RBMS3: variants seen among roughly 807,000 people sequenced by gnomAD.
RBMS3 encodes the protein RNA binding motif single stranded interacting protein 3, also known as RNA-binding motif, single-stranded-interacting protein 3.
RBMS3 carries 27 observed loss-of-function variants against 66.8 expected under a neutral mutation model. That is an observed-to-expected ratio of 0.40 (90% CI 0.30 to 0.56). RBMS3 has a LOEUF of 0.56. Among genes scored for constraint, RBMS3 ranks in the 20% least tolerant of loss-of-function variants. RBMS3 has a pLI of 0.40. For synonymous variants in RBMS3, 188 were observed against 183.0 expected, an observed-to-expected ratio of 1.03 and a Z score of -0.22; for missense variants, 513 against 549.5, an observed-to-expected ratio of 0.93 and a Z score of 0.66.
chr3:29,745,931 AC>A (rs2054874641), intron 5 of RBMS3, among the ~76,000 whole-genome samples: 1 of 151,610 alleles, frequency 6.6e-6, no homozygotes, highest in Admixed American at 6.6e-5. Context: ...GCATACAAAT[AC>A]TAGCCTGCTT....
In RBMS3 at chr3:29,684,817, G is replaced by C. The variant is rs867725942; in HGVS notation, c.400-54903G>C. ...ACACACACACACACACACACACACA[G>C]ACACATACACTGAGCTAAAGAGGAT... On this transcript the variant is annotated intron_variant, in intron 4 of 14. Coordinates refer to ENST00000383767, the MANE Select transcript of RBMS3 (RefSeq NM_001003793.3). Among the ~76,000 whole-genome samples the C allele has an allele frequency of 1.9e-3, 257 of 135,782 alleles. 1 individual carries two copies. The highest frequency in any genetic ancestry group is 6.5e-3 in the African/African-American group (209 of 31,934). The allele number at this position is 135,782 out of a possible 152,430, so 89.1% of individuals were successfully genotyped here.
At chr3:29,800,381 A>G (rs951710507) in intron 6 of RBMS3, among the ~76,000 whole-genome samples, 1 of 152,208 alleles carries the variant, frequency 6.6e-6, no homozygotes, top group African/African-American at 2.4e-5. Flanking sequence ...CCTTTAAATA[A>G]ACTTGCTTTC....
chr3:29,816,084 T>C (rs1381835928), intron 6 of RBMS3, among the ~76,000 whole-genome samples: 1 of 152,096 alleles, frequency 6.6e-6, no homozygotes. Flanking sequence ...GTTTGGTGGA[T>C]GTATAGGGAG....
At chr3:29,860,815 T>G (rs1287988917) in intron 6 of RBMS3, among the ~76,000 whole-genome samples, 1 of 152,226 alleles carries the variant, frequency 6.6e-6, no homozygotes, top group Non-Finnish European at 1.5e-5. Context: ...CTTTTTAATG[T>G]ACAAGTCACC....
intron 7 of RBMS3, among the ~76,000 whole-genome samples, chr3:29,870,032 A>T (rs1318400038): frequency 1.3e-5 from 2 of 152,182 alleles, no homozygotes; most frequent in Non-Finnish European, 1.5e-5. Context: ...CCCCTCTTAA[A>T]GGTTATAGTT....
chr3:29,404,198 G>A (rs889630931), intron 1 of RBMS3, among the ~76,000 whole-genome samples: 2 of 152,106 alleles, frequency 1.3e-5, no homozygotes, highest in East Asian at 1.9e-4. Context: ...CTTATTCTCA[G>A]TTTCTATAAT....
chr3:29,361,115 G>A (rs537749110), intron 1 of RBMS3, among the ~76,000 whole-genome samples: 7 of 152,042 alleles, frequency 4.6e-5, no homozygotes, highest in South Asian at 2.1e-4. Flanking sequence ...TATTTTGCTC[G>A]TTACTTGAAG....
intron 1 of RBMS3, among the ~76,000 whole-genome samples, chr3:29,423,125 G>T (rs2040815317): frequency 6.6e-6 from 1 of 152,176 alleles, no homozygotes; most frequent in African/African-American, 2.4e-5. Flanking sequence ...ATGGAGGATG[G>T]CAGGGTTGCG....
chr3:29,342,524 T>A (rs2036334146), intron 1 of RBMS3, among the ~76,000 whole-genome samples: 2 of 152,176 alleles, frequency 1.3e-5, no homozygotes, highest in South Asian at 2.1e-4. Context: ...TTTTATAGTA[T>A]CTTTAAGAAT....
chr3:29,781,520 T>C (rs541392876), intron 6 of RBMS3, among the ~76,000 whole-genome samples: 5 of 152,334 alleles, frequency 3.3e-5, no homozygotes, highest in Non-Finnish European at 5.9e-5. Flanking sequence ...AAATCAATGT[T>C]TTATAAAAAT....
rs147950703 is a variant in RBMS3, at chr3:29,398,128, C to T, written c.76-36615C>T. On this transcript the variant is annotated intron_variant, in intron 1 of 14. Transcript: ENST00000383767. ...TAGTGGCTATATGAGCATCATAAATCAACCTCTTTGAGTCACAGACTCCTC... is the reference window on the plus strand; with the variant it reads ...TAGTGGCTATATGAGCATCATAAATTAACCTCTTTGAGTCACAGACTCCTC... Among the ~76,000 whole-genome samples the T allele has an allele frequency of 4.0e-3, 605 of 152,244 alleles. 5 individuals carry two copies. Among genetic ancestry groups the T allele is most frequent in the African/African-American group, 0.014 (571 of 41,540 alleles).
chr3:29,639,593 C>CAGAGAG (rs60712857), intron 4 of RBMS3, among the ~76,000 whole-genome samples: 9,800 of 143,078 alleles, frequency 0.068, 362 homozygotes, highest in Middle Eastern at 0.17. Context: ...AGAAGATAGA[C>CAGAGAG]AGAGAGAGAG....
chr3:29,596,447 G>A (rs985324829), intron 4 of RBMS3, among the ~76,000 whole-genome samples: 2 of 152,218 alleles, frequency 1.3e-5, no homozygotes, highest in African/African-American at 2.4e-5. Context: ...GGGAATAAAG[G>A]AGATTATTTC....
At chr3:29,382,682 C>T (rs2038817524) in intron 1 of RBMS3, among the ~76,000 whole-genome samples, 1 of 152,178 alleles carries the variant, frequency 6.6e-6, no homozygotes, top group Non-Finnish European at 1.5e-5. Flanking sequence ...CATCTAACAT[C>T]TTTCCAATTT....
At chr3:29,306,395 C>T (rs2034016971) in intron 1 of RBMS3, among the ~76,000 whole-genome samples, 1 of 151,940 alleles carries the variant, frequency 6.6e-6, no homozygotes, top group South Asian at 2.1e-4. Context: ...TCTCTTGCTC[C>T]TTCTCAGAAG....
Position 29,984,888 on chromosome 3 carries a change from C to T in RBMS3, c.1099-3255C>T, listed in dbSNP as rs149859567. Among the ~76,000 whole-genome samples the T allele has an allele frequency of 3.2e-4, 49 of 152,208 alleles. No homozygotes were observed. In the East Asian group the frequency reaches 6.4e-3, roughly 20 times the overall value. Reference sequence around the variant, plus strand: ...TTGAGGAGGCAGTCTGTCAGGGACCCACTTGAGGGACCCACTTGAGGAGGC... The same window carrying T: ...TTGAGGAGGCAGTCTGTCAGGGACCTACTTGAGGGACCCACTTGAGGAGGC... On this transcript the variant is annotated intron_variant, in intron 12 of 14. Transcript: ENST00000383767.
intron 4 of RBMS3, among the ~76,000 whole-genome samples, chr3:29,644,794 G>T (rs143159590): frequency 2.0e-5 from 3 of 152,222 alleles, no homozygotes; most frequent in African/African-American, 7.2e-5. Context: ...CATTTTTATC[G>T]ATGGTTCCAT....
chr3:29,506,240 G>A (rs1250159034), intron 3 of RBMS3, among the ~76,000 whole-genome samples: 1 of 151,874 alleles, frequency 6.6e-6, no homozygotes, highest in Non-Finnish European at 1.5e-5. Context: ...TTCAGGTATT[G>A]AGATACATTC....
intron 6 of RBMS3, among the ~76,000 whole-genome samples, chr3:29,828,181 TC>T (rs1166648522): frequency 6.6e-6 from 1 of 152,108 alleles, no homozygotes; most frequent in Non-Finnish European, 1.5e-5. Context: ...AAATCACTTT[TC>T]AGCCACACAA....
Sources: allele counts gnomAD v4.1 joint callset (sites outside exome capture counted in the v4.1 genomes callset), GRCh38; gene constraint gnomAD v4.1.1; transcripts MANE v1.5; gene names NCBI Gene and HGNC (gene_info 2026-07-23, HGNC 2026-07-21).